The following ALK variants were observed in gnomAD, a reference collection of about 807,000 sequenced individuals.
ALK encodes the protein ALK receptor tyrosine kinase.
Under a neutral mutation model 163.1 loss-of-function variants are expected in ALK, and 74 were observed. The observed-to-expected ratio is 0.45, with a 90% confidence interval of 0.38 to 0.55. The LOEUF (loss-of-function observed/expected upper bound fraction) is 0.55, where lower values mean the gene tolerates loss of function less well. Among genes scored for constraint, ALK ranks in the 20% least tolerant of loss-of-function variants. The pLI, the probability that ALK is intolerant of heterozygous loss-of-function variation, is 0.00. For synonymous variants in ALK, 960 were observed against 843.2 expected (o/e 1.14, Z -2.40); for missense variants, 2,063 against 2,105.3 (o/e 0.98, Z 0.39).
At chr2:29,764,470 C>G (rs1257295642) in intron 1 of ALK, among the ~76,000 whole-genome samples, 1 of 152,192 alleles carries the variant, frequency 6.6e-6, no homozygotes, top group Non-Finnish European at 1.5e-5. Flanking sequence ...GAAAATAGTT[C>G]TTCAACATTT....
chr2:29,224,271 T>C (rs1051602615), intron 19 of ALK, among the ~76,000 whole-genome samples: 2 of 152,126 alleles, frequency 1.3e-5, no homozygotes, highest in African/African-American at 4.8e-5. Flanking sequence ...TGTGCTCTAA[T>C]TCCGCCTCTT....
intron 22 of ALK, chr2:29,221,097 T>C: frequency 1.6e-6 from 1 of 611,514 alleles, no homozygotes; most frequent in Non-Finnish European, 3.2e-6. Flanking sequence ...CTCAGGCACT[T>C]GGGTGAGGAA....
At chr2:29,573,535 G>T (rs1321976827) in intron 3 of ALK, among the ~76,000 whole-genome samples, 1 of 152,140 alleles carries the variant, frequency 6.6e-6, no homozygotes, top group Non-Finnish European at 1.5e-5. Context: ...CTATTGCCCA[G>T]GTGACATGTA....
chr2:29,290,760 A>G (rs149979047), intron 9 of ALK, among the ~76,000 whole-genome samples: 120 of 152,360 alleles, frequency 7.9e-4, no homozygotes, highest in African/African-American at 2.8e-3. Context: ...TGCCTATCAG[A>G]GACTGTGCTC....
intron 3 of ALK, among the ~76,000 whole-genome samples, chr2:29,619,251 G>C (rs564286673): frequency 3.9e-4 from 59 of 152,328 alleles, no homozygotes; most frequent in Non-Finnish European, 6.8e-4. Context: ...GGACTGGCAA[G>C]CAAGAGTCTT....
chr2:29,226,152 C>G (rs1034584302), intron 18 of ALK, among the ~76,000 whole-genome samples: 6 of 152,034 alleles, frequency 3.9e-5, no homozygotes, highest in Non-Finnish European at 1.5e-5. Flanking sequence ...CTGCTGCAAA[C>G]AAATGGGTTA....
intron 4 of ALK, among the ~76,000 whole-genome samples, chr2:29,390,593 T>C (rs1031642594): frequency 6.8e-6 from 1 of 147,506 alleles, no homozygotes; most frequent in African/African-American, 2.5e-5. Flanking sequence ...AAAAAAAACA[T>C]TTGAACCTCT....
intron 12 of ALK, among the ~76,000 whole-genome samples, chr2:29,242,346 G>A (rs1042624563): frequency 6.6e-6 from 1 of 152,188 alleles, no homozygotes. Flanking sequence ...AGAGGTAAGC[G>A]TCATGCTGCC....
chr2:29,486,484 C>G lies in ALK; in HGVS notation c.1154+45431G>C, dbSNP rs574204575. On this transcript the variant is annotated intron_variant, in intron 4 of 28. Coordinates refer to ENST00000389048, the MANE Select transcript of ALK (RefSeq NM_004304.5). ...ATGTTCTTAGACTTAAATTCAAACA[C>G]CTATCCCCTGGACCATAACTTCAGT... is the stretch of plus-strand genomic sequence containing the variant. 2.0e-5 allele frequency among the ~76,000 whole-genome samples: 3 copies of G among 152,290 alleles called. No individual in the cohort carries two copies. In the East Asian group the frequency reaches 5.8e-4, roughly 29 times the overall value.
chr2:29,664,051 A>G (rs1378613009), intron 3 of ALK, among the ~76,000 whole-genome samples: 5 of 152,142 alleles, frequency 3.3e-5, no homozygotes, highest in African/African-American at 1.2e-4. Flanking sequence ...TCTGATTAGT[A>G]CAGCTTTCCC....
At position 29,227,122 on chromosome 2, in the gene ALK, A is replaced by C. The variant is rs768508684; in HGVS notation, c.2915-48T>G. 52 of 1,612,708 alleles carry C rather than the reference A, an allele frequency of 3.2e-5. No individual in the cohort carries two copies. Among genetic ancestry groups the C allele is most frequent in the Non-Finnish European group, 4.2e-5 (49 of 1,179,526 alleles). On this transcript the variant is annotated intron_variant, in intron 17 of 28. Coordinates refer to ENST00000389048, the MANE Select transcript of ALK (RefSeq NM_004304.5). The surrounding 1 kb of genome is among the most constrained non-coding windows in gnomAD (Gnocchi z 4.4). Reference sequence around the variant, plus strand: ...AGTCTTGGGCCGAGCCTGCCTCCCCACTCCCAGCCTCAGTACTATGTCTCC... The same window carrying C: ...AGTCTTGGGCCGAGCCTGCCTCCCCCCTCCCAGCCTCAGTACTATGTCTCC...
intron 3 of ALK, among the ~76,000 whole-genome samples, chr2:29,596,730 A>T (rs962341706): frequency 2.2e-4 from 33 of 152,216 alleles, no homozygotes; most frequent in African/African-American, 8.0e-4. Context: ...AGACTCTACA[A>T]GAGCGTTGGC....
intron 3 of ALK, among the ~76,000 whole-genome samples, chr2:29,628,364 A>C (rs183016365): frequency 1.5e-3 from 236 of 152,304 alleles, no homozygotes; most frequent in African/African-American, 5.3e-3. Context: ...CTCTATTAAA[A>C]CACGCTATAT....
intron 11 of ALK, among the ~76,000 whole-genome samples, chr2:29,274,218 T>G (rs2148214368): frequency 6.6e-6 from 1 of 152,382 alleles, no homozygotes; most frequent in East Asian, 1.9e-4. Flanking sequence ...GGCAAAGGTA[T>G]GGACCTCATT....
At chr2:29,600,081 T>A (rs1304431578) in intron 3 of ALK, among the ~76,000 whole-genome samples, 1 of 152,112 alleles carries the variant, frequency 6.6e-6, no homozygotes, top group Admixed American at 6.5e-5. Flanking sequence ...CATCCACACG[T>A]GGGGCAGACC....
At chr2:29,623,877 C>T (rs552804648) in intron 3 of ALK, among the ~76,000 whole-genome samples, 1 of 152,280 alleles carries the variant, frequency 6.6e-6, no homozygotes, top group Admixed American at 6.5e-5. Context: ...AGTCTTTCTT[C>T]AAACGTCTAT....
At chr2:29,380,522 G>C (rs1310917221) in intron 5 of ALK, among the ~76,000 whole-genome samples, 1 of 152,158 alleles carries the variant, frequency 6.6e-6, no homozygotes, top group East Asian at 1.9e-4. Flanking sequence ...AGGTTCAAGC[G>C]ATTCTCCTGC....
intron 2 of ALK, among the ~76,000 whole-genome samples, chr2:29,706,900 G>C (rs116886439): frequency 3.3e-5 from 5 of 151,920 alleles, no homozygotes; most frequent in African/African-American, 7.2e-5. Flanking sequence ...AGCAGTAAGA[G>C]AGTTGAGACC....
At position 29,851,323 on chromosome 2, in the gene ALK, C is replaced by T. The variant is rs1665985540; in HGVS notation, c.667+68670G>A. Among the ~76,000 whole-genome samples, 3 of 152,180 alleles carry T rather than the reference C, an allele frequency of 2.0e-5. No homozygotes were observed. In the South Asian group the frequency reaches 6.2e-4, roughly 32 times the overall value. ...CCCCTCACAGCTGGCTGCTTCCTTT[C>T]ATTGCCTTCTACACTTGCTCTTCCT... On this transcript the variant is annotated intron_variant, in intron 1 of 28. Transcript: ENST00000389048.
Sources: allele counts gnomAD v4.1 joint callset (sites outside exome capture counted in the v4.1 genomes callset), GRCh38; gene constraint gnomAD v4.1.1; non-coding constraint Gnocchi (gnomAD v3.1); transcripts MANE v1.5; gene names NCBI Gene and HGNC (gene_info 2026-07-23, HGNC 2026-07-21).